Variants in WDR41 observed in about 807,000 individuals in gnomAD.
WDR41 encodes WD repeat domain 41.
A neutral mutation model predicts 69.3 loss-of-function variants in WDR41; 63 were observed. The observed-to-expected ratio is 0.91, with a 90% confidence interval of 0.74 to 1.12. WDR41 has a LOEUF of 1.12. Among genes scored for constraint, WDR41 ranks in the 50% most tolerant of loss-of-function variants. The pLI, the probability that WDR41 is intolerant of heterozygous loss-of-function variation, is 0.00. For synonymous variants in WDR41, 185 were observed against 192.1 expected (o/e 0.96, Z 0.31); for missense variants, 543 against 534.5 (o/e 1.02, Z -0.16).
rs571257850 is a variant in WDR41, at chr5:77,476,468, G to A, written c.168-11659C>T. Among the ~76,000 whole-genome samples, 533 of 152,240 alleles carry A rather than the reference G, an allele frequency of 3.5e-3. 4 individuals are homozygous for A. Among genetic ancestry groups the A allele is most frequent in the African/African-American group, 0.012 (490 of 41,518 alleles). ...AAGGGAAGCCCATCAGACTCACAGC[G>A]GATCTCCTGGCAGAAACTCTACAAG... On this transcript the variant is annotated intron_variant, in intron 2 of 12. Transcript: ENST00000296679.
chr5:77,542,029 A>T (rs1371414304), intron 1 of WDR41, among the ~76,000 whole-genome samples: 1 of 152,192 alleles, frequency 6.6e-6, no homozygotes, highest in East Asian at 1.9e-4. Context: ...CTAAATCCCC[A>T]TCAATGATAG....
intron 2 of WDR41, among the ~76,000 whole-genome samples, chr5:77,469,521 G>A (rs1239264486): frequency 6.6e-6 from 1 of 152,008 alleles, no homozygotes; most frequent in Non-Finnish European, 1.5e-5. Context: ...CTGACTCTTT[G>A]GTAAGACCAT....
intron 2 of WDR41, among the ~76,000 whole-genome samples, chr5:77,482,068 A>G (rs926152802): frequency 1.3e-5 from 2 of 152,122 alleles, no homozygotes; most frequent in Admixed American, 6.5e-5. Flanking sequence ...CATTACGGAG[A>G]ATTTAAATAT....
In WDR41 at chr5:77,588,663, A is replaced by G. The variant is rs544627516; in HGVS notation, c.42+31816T>C. On this transcript the variant is annotated intron_variant, in intron 1 of 5. Transcript: ENST00000509971. ...CAATAGTTAATAATAAAGTTTCTGC[A>G]AACACTGGATTAGCAAATACCAAAT... 3.3e-5 allele frequency among the ~76,000 whole-genome samples: 5 copies of G among 152,302 alleles called. No individual in the cohort carries two copies. In the South Asian group the frequency reaches 1.0e-3, roughly 32 times the overall value.
intron 1 of WDR41, among the ~76,000 whole-genome samples, chr5:77,603,563 GC>G (rs1164328744): frequency 6.6e-6 from 1 of 152,184 alleles, no homozygotes; most frequent in Non-Finnish European, 1.5e-5. Flanking sequence ...CTATGCAGAA[GC>G]TTTTCATAAT....
intron 1 of WDR41, among the ~76,000 whole-genome samples, chr5:77,588,518 GA>G (rs201007117): frequency 7.3e-4 from 111 of 151,310 alleles, no homozygotes; most frequent in African/African-American, 2.5e-3. Context: ...TCCTTTTTTG[GA>G]AAAAAAATGA....
intron 8 of WDR41, among the ~76,000 whole-genome samples, chr5:77,441,700 T>G (rs1799174634): frequency 2.0e-5 from 3 of 151,786 alleles, no homozygotes; most frequent in Non-Finnish European, 2.9e-5. Context: ...ATCGCGCCAC[T>G]GCACTCCAGC....
intron 1 of WDR41, among the ~76,000 whole-genome samples, chr5:77,575,246 A>C (rs1743809675): frequency 6.6e-6 from 1 of 152,238 alleles, no homozygotes; most frequent in African/African-American, 2.4e-5. Context: ...AAAGAGGAAA[A>C]GAATAAGCTA....
chr5:77,499,321 G>C (rs945144050), intron 1 of WDR41: 26 of 152,388 alleles, frequency 1.7e-4, no homozygotes, highest in Middle Eastern at 3.4e-3. Flanking sequence ...AAAGAGAAAG[G>C]TGTACCTTCT....
Position 77,503,739 on chromosome 5 carries a change from A to G in WDR41, c.43-14167T>C, listed in dbSNP as rs534655649. The stretch of plus-strand genomic sequence containing the variant: ...TAAGAAACTCACTCAAAACCACTCA[A>G]CTACATGGAAACTGAACAACCTGGT... On this transcript the variant is annotated intron_variant, in intron 1 of 5. Transcript: ENST00000509971. Among the ~76,000 whole-genome samples, 277 of 152,304 alleles carry G rather than the reference A, an allele frequency of 1.8e-3. 2 individuals carry two copies. The highest frequency in any genetic ancestry group is 6.4e-3 in the African/African-American group (265 of 41,586).
intron 1 of WDR41, among the ~76,000 whole-genome samples, chr5:77,557,251 A>C (rs1291787937): frequency 1.3e-5 from 2 of 152,198 alleles, no homozygotes; most frequent in Non-Finnish European, 2.9e-5. Context: ...AAAGTTAAAA[A>C]CTTCTGTTTA....
chr5:77,590,670 A>G (rs1017826713), intron 1 of WDR41, among the ~76,000 whole-genome samples: 2 of 152,362 alleles, frequency 1.3e-5, no homozygotes, highest in South Asian at 2.1e-4. Flanking sequence ...AAGAGCAGCT[A>G]GCAGGACTAG....
chr5:77,558,145 G>A (rs1251098450), intron 1 of WDR41, among the ~76,000 whole-genome samples: 2 of 141,936 alleles, frequency 1.4e-5, no homozygotes, highest in African/African-American at 5.3e-5. Context: ...GTAGGTAATC[G>A]TTAAAATGCG....
chr5:77,493,460 A>G (rs1392902957), upstream of WDR41, among the ~76,000 whole-genome samples: 1 of 152,190 alleles, frequency 6.6e-6, no homozygotes, highest in Non-Finnish European at 1.5e-5. Context: ...GTCACCAATA[A>G]GAGAGAGCCA....
intron 1 of WDR41, among the ~76,000 whole-genome samples, chr5:77,527,165 T>C (rs1458581147): frequency 4.6e-5 from 7 of 151,874 alleles, no homozygotes; most frequent in Non-Finnish European, 1.0e-4. Context: ...GATAAATAAA[T>C]ATTAGTGGAC....
intron 2 of WDR41, among the ~76,000 whole-genome samples, chr5:77,471,465 T>C (rs1800605772): frequency 6.6e-6 from 1 of 151,938 alleles, no homozygotes; most frequent in South Asian, 2.1e-4. Flanking sequence ...AAAAAACCCT[T>C]CAAAAAATTA....
chr5:77,612,153 G>A (rs2112342753), intron 1 of WDR41, among the ~76,000 whole-genome samples: 1 of 152,270 alleles, frequency 6.6e-6, no homozygotes, highest in African/African-American at 2.4e-5. Context: ...ATAATCAATA[G>A]TTTACCAACC....
At chr5:77,463,039 T>C (rs1800140235) in intron 4 of WDR41, 56 bp downstream of exon 4, 2 of 1,579,238 alleles carry the variant, frequency 1.3e-6, no homozygotes, top group South Asian at 2.3e-5. Flanking sequence ...TAATAGTGTA[T>C]GTAGTGGCTC....
At chr5:77,544,937 T>C (rs1339964019) in intron 1 of WDR41, among the ~76,000 whole-genome samples, 1 of 152,084 alleles carries the variant, frequency 6.6e-6, no homozygotes, top group Admixed American at 6.5e-5. Context: ...TGAGCCTCAA[T>C]AGATTTAAGA....
Sources: allele counts gnomAD v4.1 joint callset (sites outside exome capture counted in the v4.1 genomes callset), GRCh38; gene constraint gnomAD v4.1.1; transcripts MANE v1.5; gene names NCBI Gene and HGNC (gene_info 2026-07-23, HGNC 2026-07-21).